The following DAB1 variants were observed in gnomAD, a reference collection of about 807,000 sequenced individuals.
DAB1 encodes the protein DAB adaptor protein 1, also known as disabled homolog 1.
DAB1 carries 15 observed loss-of-function variants against 64.6 expected under a neutral mutation model. The ratio of observed to expected loss-of-function variants is 0.23; its 90% CI spans 0.16 to 0.36. The LOEUF (loss-of-function observed/expected upper bound fraction) is 0.36, where lower values mean the gene tolerates loss of function less well. Among genes scored for constraint, DAB1 ranks in the 10% least tolerant of loss-of-function variants. DAB1 has a pLI of 1.00. For missense variants in DAB1, 596 were observed against 706.7 expected, an observed-to-expected ratio of 0.84 and a Z score of 1.78; for synonymous variants, 235 against 251.9, an observed-to-expected ratio of 0.93 and a Z score of 0.64.
chr1:57,528,639 C>CAGACAG (rs200941947), intron 7 of DAB1, among the ~76,000 whole-genome samples: 18 of 139,574 alleles, frequency 1.3e-4, no homozygotes, highest in Middle Eastern at 3.6e-3. Flanking sequence ...AGCAGCAGGA[C>CAGACAG]ACACACACAC....
At chr1:58,085,637 G>A (rs982206840) in intron 5 of DAB1, among the ~76,000 whole-genome samples, 2 of 151,832 alleles carry the variant, frequency 1.3e-5, no homozygotes, top group Admixed American at 6.6e-5. Flanking sequence ...CAAAGTGTTA[G>A]GGTTACAGGT....
At chr1:58,038,255 G>C (rs892589480) in intron 5 of DAB1, among the ~76,000 whole-genome samples, 1 of 152,130 alleles carries the variant, frequency 6.6e-6, no homozygotes, top group African/African-American at 2.4e-5. Context: ...GGGCATTCCA[G>C]GACACATTTT....
chr1:57,694,054 TC>T, intron 6 of DAB1, among the ~76,000 whole-genome samples: 1 of 152,334 alleles, frequency 6.6e-6, no homozygotes, highest in East Asian at 1.9e-4. Flanking sequence ...CTGGAGAGTT[TC>T]CCCAGTGTTT....
intron 1 of DAB1, among the ~76,000 whole-genome samples, chr1:57,415,725 T>A (rs1337615507): frequency 2.0e-5 from 3 of 152,146 alleles, no homozygotes; most frequent in Non-Finnish European, 4.4e-5. Flanking sequence ...AGTAGACATA[T>A]AATACTGCTC....
intron 5 of DAB1, among the ~76,000 whole-genome samples, chr1:58,007,700 G>A (rs1646606645): frequency 6.6e-6 from 1 of 152,178 alleles, no homozygotes; most frequent in African/African-American, 2.4e-5. Context: ...ACAGCTGAAG[G>A]AGGACTAAAA....
At position 57,587,166 on chromosome 1, in the gene DAB1, G is replaced by A. The variant is rs139253602; in HGVS notation, n.625+62426C>T. Reference sequence around the variant, plus strand: ...TTGTTTGAAAGTTCTTCCTAAATGAGTAAAAATCTTGCTCACATTAACTTT... The same window carrying A: ...TTGTTTGAAAGTTCTTCCTAAATGAATAAAAATCTTGCTCACATTAACTTT... On this transcript the variant is annotated intron_variant and non_coding_transcript_variant, in intron 7 of 20. Coordinates refer to the DAB1 transcript ENST00000485760. Among the ~76,000 whole-genome samples the A allele has an allele frequency of 1.2e-3, 184 of 152,266 alleles. 2 individuals are homozygous for A. Among genetic ancestry groups the A allele is most frequent in the Non-Finnish European group, 2.1e-3 (143 of 68,026 alleles).
At chr1:58,488,074 C>G (rs1645607223) in intron 3 of DAB1, among the ~76,000 whole-genome samples, 1 of 152,002 alleles carries the variant, frequency 6.6e-6, no homozygotes, top group Non-Finnish European at 1.5e-5. Context: ...TTTCTTTTCT[C>G]TTTTTCTAAT....
intron 6 of DAB1, among the ~76,000 whole-genome samples, chr1:57,775,820 G>A (rs1041999376): frequency 6.6e-6 from 1 of 151,296 alleles, no homozygotes; most frequent in Non-Finnish European, 1.5e-5. Context: ...ACAATTTAAC[G>A]GTAATCTTGT....
chr1:58,252,844 T>A (rs1046482890), intron 4 of DAB1, among the ~76,000 whole-genome samples: 1 of 152,170 alleles, frequency 6.6e-6, no homozygotes, highest in Non-Finnish European at 1.5e-5. Flanking sequence ...CCGAAGCACT[T>A]ATCCAATTGA....
chr1:57,077,133 G>C (rs1557678275), intron 4 of DAB1, among the ~76,000 whole-genome samples: 1 of 152,176 alleles, frequency 6.6e-6, no homozygotes, highest in Non-Finnish European at 1.5e-5. Flanking sequence ...TTGAATTGAG[G>C]CTCCAAGGAT....
At chr1:57,117,199 A>G (rs887321808) in intron 4 of DAB1, among the ~76,000 whole-genome samples, 10 of 152,166 alleles carry the variant, frequency 6.6e-5, no homozygotes, top group African/African-American at 2.4e-4. Flanking sequence ...ACATGGGAAA[A>G]TGTACTGCAT....
chr1:57,198,793 A>G (rs1245922326), intron 2 of DAB1, among the ~76,000 whole-genome samples: 2 of 152,130 alleles, frequency 1.3e-5, no homozygotes, highest in Non-Finnish European at 2.9e-5. Context: ...TTCAAAGGAG[A>G]GAAAAAGGAA....
At position 57,019,480 on chromosome 1, in the gene DAB1, AG is replaced by A. The variant is rs1222931441; in HGVS notation, c.895+4050del. ...CAAAGTACAATATTCAAAAGAAAAA[AG>A]GCAGCACAGGGTAATTGGGTATCAT... On this transcript the variant is annotated intron_variant, in intron 11 of 14. Coordinates refer to ENST00000371236, the MANE Select transcript of DAB1 (RefSeq NM_001365792.1). Among the ~76,000 whole-genome samples, 8 of 152,288 alleles carry A rather than the reference AG, an allele frequency of 5.3e-5. No individual in the cohort carries two copies. The East Asian group carries it at 1.5e-3, about 29-fold the overall frequency.
intron 1 of DAB1, among the ~76,000 whole-genome samples, chr1:57,339,365 C>A (rs1014244416): frequency 2.6e-5 from 4 of 152,062 alleles, no homozygotes; most frequent in African/African-American, 9.7e-5. Flanking sequence ...ACTGTGTTAG[C>A]CAGGATGGTC....
intron 6 of DAB1, among the ~76,000 whole-genome samples, chr1:57,809,506 A>T (rs761634091): frequency 6.6e-6 from 1 of 152,250 alleles, no homozygotes; most frequent in Non-Finnish European, 1.5e-5. Context: ...TCTGATTTCA[A>T]AGTTAGTACT....
chr1:57,318,753 AAT>A (rs1491083473), intron 1 of DAB1, among the ~76,000 whole-genome samples: 3 of 110,896 alleles, frequency 2.7e-5, no homozygotes, highest in African/African-American at 9.6e-5. Context: ...AAAAAAAAAA[AAT>A]TTCATCGGAT....
intron 8 of DAB1, among the ~76,000 whole-genome samples, chr1:57,065,902 G>A (rs911772769): frequency 6.6e-6 from 1 of 152,250 alleles, no homozygotes; most frequent in South Asian, 2.1e-4. Context: ...CGTGCCAGAC[G>A]CATGTGATTT....
At chr1:57,417,991 AC>A (rs1684616578) in intron 1 of DAB1, among the ~76,000 whole-genome samples, 2 of 151,816 alleles carry the variant, frequency 1.3e-5, no homozygotes, top group Non-Finnish European at 2.9e-5. Flanking sequence ...GTAAATTACC[AC>A]CTCCAGAAGG....
chr1:57,763,749 G>A (rs189366696), intron 6 of DAB1, among the ~76,000 whole-genome samples: 14 of 152,250 alleles, frequency 9.2e-5, no homozygotes, highest in South Asian at 6.2e-4. Flanking sequence ...GTTAAAGTGC[G>A]AGGAAACTAG....
Sources: gnomAD v4.1 joint callset for allele counts (sites outside exome capture counted in the v4.1 genomes callset) on GRCh38, gnomAD v4.1.1 for gene constraint, MANE v1.5 for transcripts, NCBI Gene and HGNC (gene_info 2026-07-23, HGNC 2026-07-21) for gene names.